MCTP2: variants seen among roughly 807,000 people sequenced by gnomAD.
MCTP2 encodes multiple C2 and transmembrane domain-containing protein 2.
MCTP2 carries 132 observed loss-of-function variants against 111.6 expected under a neutral mutation model. That is an observed-to-expected ratio of 1.18 (90% CI 1.03 to 1.37). The LOEUF (loss-of-function observed/expected upper bound fraction) is 1.37, where lower values mean the gene tolerates loss of function less well. MCTP2 is among the 40% of genes most tolerant of loss of function. The pLI is 0.00. For synonymous variants in MCTP2, 395 were observed against 387.7 expected (o/e 1.02, Z -0.22); for missense variants, 1,183 against 1,067.9 (o/e 1.11, Z -1.50).
chr15:94,270,863 T>G (rs576794886), intron 1 of MCTP2, among the ~76,000 whole-genome samples: 1 of 152,334 alleles, frequency 6.6e-6, no homozygotes, highest in Non-Finnish European at 1.5e-5. Flanking sequence ...ACAGAAATTA[T>G]TGTCTGTCTC....
At chr15:94,462,384 G>A (rs2085269293) in intron 20 of MCTP2, among the ~76,000 whole-genome samples, 1 of 152,196 alleles carries the variant, frequency 6.6e-6, no homozygotes, top group African/African-American at 2.4e-5. Context: ...TGAGGATTTA[G>A]GGAGCTCCCA....
At chr15:94,403,043 C>T (rs897267233) in intron 17 of MCTP2, 36 of 988,224 alleles carry the variant, frequency 3.6e-5, no homozygotes, top group Non-Finnish European at 4.1e-5. Context: ...AAGGTCACTC[C>T]CAACATTTTT....
intron 9 of MCTP2, among the ~76,000 whole-genome samples, chr15:94,358,204 T>C (rs1567517954): frequency 6.6e-6 from 1 of 152,214 alleles, no homozygotes; most frequent in East Asian, 1.9e-4. Context: ...TGTGTATGTG[T>C]GTGTATATAT....
chr15:94,268,736 T>G (rs1184640119), intron 1 of MCTP2, among the ~76,000 whole-genome samples: 1 of 151,970 alleles, frequency 6.6e-6, no homozygotes, highest in South Asian at 2.1e-4. Context: ...TGTGCCACTC[T>G]TATAAGAACT....
chr15:94,353,527 A>G (rs1309653912), intron 8 of MCTP2, among the ~76,000 whole-genome samples: 1 of 152,222 alleles, frequency 6.6e-6, no homozygotes, highest in Non-Finnish European at 1.5e-5. Flanking sequence ...ATTTTAGGGC[A>G]TATTTCATGG....
chr15:94,395,700 G>T (rs1185299579), intron 14 of MCTP2, among the ~76,000 whole-genome samples: 1 of 152,030 alleles, frequency 6.6e-6, no homozygotes, highest in Non-Finnish European at 1.5e-5. Context: ...TGTGCTTACT[G>T]CTTGGTAAAT....
intron 17 of MCTP2, among the ~76,000 whole-genome samples, chr15:94,409,434 A>G (rs2082053616): frequency 6.6e-6 from 1 of 152,104 alleles, no homozygotes; most frequent in African/African-American, 2.4e-5. Context: ...CCTCAAGGCT[A>G]TGATAATACT....
At chr15:94,466,921 A>G (rs1051010760) in intron 20 of MCTP2, among the ~76,000 whole-genome samples, 1 of 152,082 alleles carries the variant, frequency 6.6e-6, no homozygotes, top group South Asian at 2.1e-4. Flanking sequence ...AATTTGATTT[A>G]TTTTTGTAGC....
intron 1 of MCTP2, among the ~76,000 whole-genome samples, chr15:94,286,750 G>C (rs2074776575): frequency 6.6e-6 from 1 of 152,182 alleles, no homozygotes; most frequent in African/African-American, 2.4e-5. Context: ...GAGGCCAGCT[G>C]GGGAGGATGT....
At chr15:94,286,610 G>C (rs1056869947) in intron 1 of MCTP2, among the ~76,000 whole-genome samples, 9 of 152,130 alleles carry the variant, frequency 5.9e-5, no homozygotes, top group African/African-American at 2.2e-4. Context: ...AAATTATGCT[G>C]TTCCATTCTG....
At chr15:94,278,029 A>T (rs1199789343) in intron 1 of MCTP2, 1 of 152,156 alleles carries the variant, frequency 6.6e-6, no homozygotes, top group Non-Finnish European at 1.5e-5. Context: ...CATTACAAAA[A>T]AAGATATAAA....
At chr15:94,284,381 T>A (rs1277476832) in intron 1 of MCTP2, among the ~76,000 whole-genome samples, 1 of 152,210 alleles carries the variant, frequency 6.6e-6, no homozygotes, top group African/African-American at 2.4e-5. Context: ...AAGTATCTTC[T>A]TTAAATCCTT....
intron 1 of MCTP2, among the ~76,000 whole-genome samples, chr15:94,288,427 T>G (rs1273242676): frequency 6.6e-6 from 1 of 152,226 alleles, no homozygotes; most frequent in East Asian, 1.9e-4. Flanking sequence ...AGTCCCAGAC[T>G]GACCTTACGT....
intron 17 of MCTP2, among the ~76,000 whole-genome samples, chr15:94,413,460 C>T (rs1030842952): frequency 2.0e-5 from 3 of 151,076 alleles, no homozygotes; most frequent in Admixed American, 6.6e-5. Flanking sequence ...TTCATTTTTA[C>T]GTTCTTTAAC....
At chr15:94,419,897 T>C (rs2082547628) in intron 17 of MCTP2, among the ~76,000 whole-genome samples, 1 of 152,114 alleles carries the variant, frequency 6.6e-6, no homozygotes, top group Admixed American at 6.6e-5. Context: ...ACAACAGATT[T>C]TCAATGTAGA....
chr15:94,474,685 C>T (rs2074205653), intron 21 of MCTP2, among the ~76,000 whole-genome samples: 1 of 152,050 alleles, frequency 6.6e-6, no homozygotes, highest in African/African-American at 2.4e-5. Context: ...ATGGCGAAAC[C>T]CCATCTCTTA....
chr15:94,470,195 T>C (rs932820311), intron 20 of MCTP2, 138 bp from the exon 21 acceptor site: 7 of 618,780 alleles, frequency 1.1e-5, no homozygotes, highest in Non-Finnish European at 1.7e-5. Flanking sequence ...ACTCTCATCT[T>C]GAGGTTTTTA....
At chr15:94,267,966 C>T (rs530600415) in intron 1 of MCTP2, among the ~76,000 whole-genome samples, 15 of 142,242 alleles carry the variant, frequency 1.1e-4, no homozygotes, top group Admixed American at 7.4e-4. Context: ...CCTGGGTTCA[C>T]GCCATTCTCC....
chr15:94,291,061 C>T (rs1232077176), intron 1 of MCTP2, among the ~76,000 whole-genome samples: 8 of 152,160 alleles, frequency 5.3e-5, no homozygotes, highest in Non-Finnish European at 8.8e-5. Flanking sequence ...TCCACTCAAC[C>T]ATAGTAGCAT....
Sources: allele counts gnomAD v4.1 joint callset (sites outside exome capture counted in the v4.1 genomes callset), GRCh38; gene constraint gnomAD v4.1.1; transcripts MANE v1.5; gene names NCBI Gene and HGNC (gene_info 2026-07-23, HGNC 2026-07-21).